The following MSL2 variants were observed in gnomAD, a reference collection of about 807,000 sequenced individuals.
MSL2 encodes the protein E3 ubiquitin-protein ligase MSL2.
In MSL2, 2 loss-of-function variants were observed where a neutral mutation model predicts 35.8. The observed-to-expected ratio is 0.06, with a 90% confidence interval of 0.02 to 0.18. The LOEUF (loss-of-function observed/expected upper bound fraction) is 0.18. MSL2 is among the 10% of genes least tolerant of loss of function. The pLI, the probability that MSL2 is intolerant of heterozygous loss-of-function variation, is 1.00. For missense variants in MSL2, 523 were observed against 706.7 expected (o/e 0.74, Z 2.95); for synonymous variants, 296 against 255.7 (o/e 1.16, Z -1.50).
At chr3:136,173,125 T>C (rs1452936361) in intron 1 of MSL2, among the ~76,000 whole-genome samples, 1 of 152,232 alleles carries the variant, frequency 6.6e-6, no homozygotes, top group African/African-American at 2.4e-5. Context: ...ATCACGCCAC[T>C]GCACTCCAGC....
intron 1 of MSL2, among the ~76,000 whole-genome samples, chr3:136,186,395 C>T (rs1052016375): frequency 3.9e-5 from 6 of 152,208 alleles, no homozygotes; most frequent in Admixed American, 3.9e-4. Context: ...AATCAGGGGT[C>T]CCTAAGCCTC....
In MSL2 at chr3:136,165,749, A is replaced by C. The variant is rs549489928; in HGVS notation, c.143-13011T>G. 2.9e-4 allele frequency among the ~76,000 whole-genome samples: 44 copies of C among 152,286 alleles called. No homozygotes were observed. In the South Asian group the frequency reaches 8.9e-3, roughly 31 times the overall value. On this transcript the variant is annotated intron_variant, in intron 1 of 1. Transcript: ENST00000309993. ...AAATCCAGACATCATTAATTTTTAA[A>C]CCAGATTAAGATTTAATTGTTAATG...
intron 1 of MSL2, among the ~76,000 whole-genome samples, chr3:136,172,496 C>T (rs1282760532): frequency 6.6e-6 from 1 of 152,156 alleles, no homozygotes; most frequent in African/African-American, 2.4e-5. Flanking sequence ...CAGAATGTGT[C>T]TTCTAATGAA....
At position 136,194,958 on chromosome 3, in the gene MSL2, A is replaced by G. The variant is rs1576382159; in HGVS notation, c.142+14T>C. On this transcript the variant is annotated intron_variant, in intron 1 of 1. Coordinates refer to ENST00000309993, the MANE Select transcript of MSL2 (RefSeq NM_018133.4). ...AAACAAGCATTGAAAAGGGAACAAT[A>G]AAAAGCGTCTCACCGCAAACACAGC... The G allele has an allele frequency of 2.5e-6, 4 of 1,613,378 alleles. No individual in the cohort carries two copies. Among genetic ancestry groups the G allele is most frequent in the Non-Finnish European group, 3.4e-6 (4 of 1,179,892 alleles).
At chr3:136,191,705 T>G (rs555503099) in intron 1 of MSL2, among the ~76,000 whole-genome samples, 1 of 151,676 alleles carries the variant, frequency 6.6e-6, no homozygotes, top group Non-Finnish European at 1.5e-5. Context: ...TCCAGGAGTT[T>G]AAGGCTGCAG....
chr3:136,186,252 C>G (rs781363730), intron 1 of MSL2, among the ~76,000 whole-genome samples: 2 of 152,204 alleles, frequency 1.3e-5, no homozygotes, highest in Non-Finnish European at 2.9e-5. Flanking sequence ...CATTGTATAA[C>G]TGTCCCTAGA....
Position 136,151,290 on chromosome 3 carries a change from C to G in MSL2, c.1591G>C (p.Val531Leu), listed in dbSNP as rs764752493. The change falls in exon 2 of 2, where the codon GTG (valine) becomes CTG (leucine). Residue 531 changes from valine (V) to leucine (L), a missense_variant. Around this residue, in one of 5 missense-constraint regions of MSL2, gnomAD observed 60 missense variants for 75.1 expected, o/e 0.80. Transcript: ENST00000309993. This position sits in a 1 kb window ranked among gnomAD's most constrained non-coding sequence, Gnocchi z 5.2. ...GCGTTACGCACAGCAATGCTAGTCA[C>G]GTTAATGCCCAAAGTGAGCCTGGTC... Reference protein sequence around the residue: ...EQTRLTLGINVTSIAVRNAST... With the variant: ...EQTRLTLGINLTSIAVRNAST... The G allele has an allele frequency of 6.2e-7, 1 of 1,614,110 alleles. No homozygotes were observed. The highest frequency in any genetic ancestry group is 1.3e-5 in the African/African-American group (1 of 74,936).
intron 1 of MSL2, among the ~76,000 whole-genome samples, chr3:136,182,065 A>T (rs1940382825): frequency 6.6e-6 from 1 of 152,194 alleles, no homozygotes; most frequent in Admixed American, 6.5e-5. Context: ...TTTCTCACAC[A>T]GTTTTAAGAA....
intron 1 of MSL2, among the ~76,000 whole-genome samples, chr3:136,183,083 A>C (rs2108088809): frequency 6.6e-6 from 1 of 152,348 alleles, no homozygotes; most frequent in Non-Finnish European, 1.5e-5. Flanking sequence ...GAATATTTGT[A>C]GTACAAAAAT....
intron 1 of MSL2, among the ~76,000 whole-genome samples, chr3:136,170,999 G>A (rs143616585): frequency 6.6e-6 from 1 of 152,130 alleles, no homozygotes; most frequent in African/African-American, 2.4e-5. Context: ...TCTACTTTCT[G>A]TTCCATCCCG....
chr3:136,191,792 C>T (rs550991434), intron 1 of MSL2, among the ~76,000 whole-genome samples: 61 of 152,264 alleles, frequency 4.0e-4, no homozygotes, highest in African/African-American at 1.3e-3. Flanking sequence ...TTTTTTCAAA[C>T]CGCTTAAAAA....
At chr3:136,158,643 G>C (rs1460307143) in intron 1 of MSL2, among the ~76,000 whole-genome samples, 1 of 151,872 alleles carries the variant, frequency 6.6e-6, no homozygotes, top group Non-Finnish European at 1.5e-5. Context: ...GAAAAAAAAA[G>C]GCATCAAGAC....
intron 1 of MSL2, among the ~76,000 whole-genome samples, chr3:136,166,371 G>A (rs947508939): frequency 4.6e-5 from 7 of 151,800 alleles, no homozygotes; most frequent in African/African-American, 1.7e-4. Context: ...CTGGGCGACA[G>A]AGCGAGACTC....
In MSL2 at chr3:136,174,478, G is replaced by A. The variant is rs551551736; in HGVS notation, c.142+20494C>T. 2.0e-5 allele frequency among the ~76,000 whole-genome samples: 3 copies of A among 152,274 alleles called. No individual in the cohort carries two copies. In the South Asian group the frequency reaches 6.2e-4, roughly 32 times the overall value. On this transcript the variant is annotated intron_variant, in intron 1 of 1. Coordinates refer to ENST00000309993, the MANE Select transcript of MSL2 (RefSeq NM_018133.4). ...AATGATTACAGAAACTGAGCAATAG[G>A]CAGAATAATTAGCCACAAGATATAC...
Position 136,154,571 on chromosome 3 carries a change from A to G in MSL2, c.143-1833T>C, listed in dbSNP as rs200438612. 1.1e-3 allele frequency among the ~76,000 whole-genome samples: 123 copies of G among 115,654 alleles called. 1 individual carries two copies. The East Asian group carries it at 0.019, about 18-fold the overall frequency. The allele number at this position is 115,654 out of a possible 152,430, so 75.9% of individuals were successfully genotyped here. ...ACAACAGAAATTAGAAATCAGTGGG[A>G]AAAAAAAAAATGAGAAAAATCCCCA... is the stretch of plus-strand genomic sequence containing the variant. On this transcript the variant is annotated intron_variant, in intron 1 of 1. Transcript: ENST00000309993.
intron 1 of MSL2, among the ~76,000 whole-genome samples, chr3:136,175,070 G>A (rs961837037): frequency 1.3e-5 from 2 of 152,160 alleles, no homozygotes; most frequent in Non-Finnish European, 2.9e-5. Flanking sequence ...TCATGGCTGG[G>A]CATGGTGGCT....
intron 1 of MSL2, among the ~76,000 whole-genome samples, chr3:136,181,142 ACT>A (rs1940347592): frequency 1.3e-5 from 2 of 151,360 alleles, no homozygotes; most frequent in Non-Finnish European, 2.9e-5. Context: ...ACAGAGTAAA[ACT>A]CTGTCTCAAA....
chr3:136,173,515 C>T (rs895477007), intron 1 of MSL2, among the ~76,000 whole-genome samples: 3 of 152,166 alleles, frequency 2.0e-5, no homozygotes, highest in African/African-American at 7.2e-5. Flanking sequence ...GACTCTTCAC[C>T]TCCATTCCAT....
chr3:136,162,351 C>G (rs369172926), intron 1 of MSL2, among the ~76,000 whole-genome samples: 1 of 151,002 alleles, frequency 6.6e-6, no homozygotes, highest in Non-Finnish European at 1.5e-5. Flanking sequence ...GAGAGGCCAG[C>G]GTAGGCAGAT....
Sources: allele counts gnomAD v4.1 joint callset (sites outside exome capture counted in the v4.1 genomes callset), GRCh38; gene constraint gnomAD v4.1.1; regional missense constraint gnomAD v4.1.1; non-coding constraint Gnocchi (gnomAD v3.1); transcripts MANE v1.5; gene names NCBI Gene and HGNC (gene_info 2026-07-23, HGNC 2026-07-21).